The following CERT1 variants were observed in gnomAD, a reference collection of about 807,000 sequenced individuals.
CERT1 encodes the protein ceramide transfer protein.
CERT1 carries 31 observed loss-of-function variants against 87.9 expected under a neutral mutation model. That is an observed-to-expected ratio of 0.35 (90% CI 0.27 to 0.48). CERT1 has a LOEUF of 0.48. CERT1 is among the 20% of genes least tolerant of loss of function. The pLI is 0.99. For missense variants in CERT1, 487 were observed against 758.0 expected (o/e 0.64, Z 4.20); for synonymous variants, 289 against 250.9 (o/e 1.15, Z -1.44).
At chr5:75,509,023 G>T (rs1767789897) in intron 1 of CERT1, among the ~76,000 whole-genome samples, 1 of 151,730 alleles carries the variant, frequency 6.6e-6, no homozygotes. Context: ...TAGTATTTTT[G>T]GAATCTATAC....
chr5:75,457,592 T>C (rs544122294), intron 3 of CERT1, among the ~76,000 whole-genome samples: 24 of 152,064 alleles, frequency 1.6e-4, no homozygotes, highest in Non-Finnish European at 2.9e-4. Flanking sequence ...TTTAAATATA[T>C]AGTCCTAAAG....
intron 3 of CERT1, among the ~76,000 whole-genome samples, chr5:75,433,412 A>G (rs1258542112): frequency 6.6e-6 from 1 of 152,168 alleles, no homozygotes; most frequent in Non-Finnish European, 1.5e-5. Context: ...TTTAACACTT[A>G]CCTGGTTAGC....
At chr5:75,495,217 C>G (rs371266513) in intron 2 of CERT1, among the ~76,000 whole-genome samples, 3 of 152,042 alleles carry the variant, frequency 2.0e-5, no homozygotes, top group African/African-American at 7.2e-5. Context: ...AATTGGAAAC[C>G]AAGAGAATAG....
At chr5:75,447,533 C>T (rs1013301483) in intron 3 of CERT1, among the ~76,000 whole-genome samples, 8 of 151,482 alleles carry the variant, frequency 5.3e-5, no homozygotes, top group African/African-American at 1.5e-4. Context: ...TGCAGTGGCG[C>T]GATCTTGGCT....
Position 75,384,538 on chromosome 5 carries a change from T to A in CERT1, c.1488+104A>T, listed in dbSNP as rs527798737. The A allele has an allele frequency of 4.6e-5, 32 of 701,996 alleles. No homozygotes were observed. The South Asian group carries it at 5.5e-4, about 12-fold the overall frequency. The allele number at this position is 701,996 out of a possible 1,614,324, so 43.5% of individuals were successfully genotyped here. Reference sequence around the variant, plus strand: ...ATCATTATTTAATAAAGTCTTTGGATTTTTGTGGCTTTTAATAACCTCCCC... The same window carrying A: ...ATCATTATTTAATAAAGTCTTTGGAATTTTGTGGCTTTTAATAACCTCCCC... On this transcript the variant is annotated intron_variant, in intron 14 of 16. Transcript: ENST00000643780.
At chr5:75,472,124 C>G (rs999283025) in intron 2 of CERT1, among the ~76,000 whole-genome samples, 2 of 152,144 alleles carry the variant, frequency 1.3e-5, no homozygotes, top group Non-Finnish European at 2.9e-5. Flanking sequence ...TAAATCCATG[C>G]ATTTACAACC....
intron 1 of CERT1, among the ~76,000 whole-genome samples, chr5:75,507,530 T>C (rs1767709413): frequency 6.6e-6 from 1 of 152,172 alleles, no homozygotes; most frequent in South Asian, 2.1e-4. Flanking sequence ...GCTTGAGATG[T>C]ACCACCACTT....
At chr5:75,401,787 C>G (rs1443104285) in intron 9 of CERT1, 1 of 152,150 alleles carries the variant, frequency 6.6e-6, no homozygotes, top group Non-Finnish European at 1.5e-5. Context: ...CCAATAAGAG[C>G]ATAATAGCCA....
chr5:75,462,917 G>C (rs192062040), intron 2 of CERT1, among the ~76,000 whole-genome samples: 1 of 150,604 alleles, frequency 6.6e-6, no homozygotes, highest in Middle Eastern at 3.4e-3. Flanking sequence ...ACTTGAACCC[G>C]GGAGGTAGAA....
intron 11 of CERT1, among the ~76,000 whole-genome samples, chr5:75,390,957 C>T (rs751896443): frequency 6.6e-6 from 1 of 152,046 alleles, no homozygotes; most frequent in African/African-American, 2.4e-5. Flanking sequence ...GCCTGTGCCA[C>T]CATGCCTAAC....
intron 5 of CERT1, among the ~76,000 whole-genome samples, chr5:75,419,983 T>G (rs1456005049): frequency 6.6e-6 from 1 of 151,838 alleles, no homozygotes; most frequent in Non-Finnish European, 1.5e-5. Context: ...GTTGTTCTTT[T>G]TTTTTTTTTT....
chr5:75,407,912 A>G (rs549239818), intron 8 of CERT1, among the ~76,000 whole-genome samples: 1 of 149,700 alleles, frequency 6.7e-6, no homozygotes, highest in Non-Finnish European at 1.5e-5. Context: ...AAAAAAAAAA[A>G]CATAAAATTG....
At chr5:75,380,664 T>C (rs1761534501) in intron 16 of CERT1, among the ~76,000 whole-genome samples, 1 of 150,696 alleles carries the variant, frequency 6.6e-6, no homozygotes, top group South Asian at 2.1e-4. Flanking sequence ...TGTGGGCACC[T>C]GTAATCCCAG....
At chr5:75,379,776 GT>G (rs1323005728) in intron 16 of CERT1, among the ~76,000 whole-genome samples, 1 of 152,036 alleles carries the variant, frequency 6.6e-6, no homozygotes, top group Non-Finnish European at 1.5e-5. Flanking sequence ...GTAGAGATGG[GT>G]TTTCACCATG....
chr5:75,393,212 T>A (rs1414595141), intron 11 of CERT1, among the ~76,000 whole-genome samples: 3 of 151,994 alleles, frequency 2.0e-5, no homozygotes, highest in Non-Finnish European at 4.4e-5. Context: ...TTAGGCTAAG[T>A]GTAATTTCAG....
In CERT1 at chr5:75,385,971, C is replaced by T; in HGVS notation, c.1348G>A (p.Val450Ile). ...ACTTCATGTCCTGTGACGCCTTTAA[C>T]TGCATGGGTAGCTTTTAAAGGATCC... ...VLDPLKATHA[V>I]KGVTGHEVCN... The change falls in exon 13 of 17, where the codon GTT becomes ATT. Residue 450 changes from valine to isoleucine, a missense_variant. By Grantham distance (29) the Val-to-Ile change is conservative. Coordinates refer to ENST00000643780, the MANE Select transcript of CERT1 (RefSeq NM_001379029.1). 6.3e-7 allele frequency: 1 copy of T among 1,598,100 alleles called. No individual in the cohort carries two copies. Among genetic ancestry groups the T allele is most frequent in the Non-Finnish European group, 8.5e-7 (1 of 1,171,806 alleles).
chr5:75,484,718 CCA>C, intron 2 of CERT1, among the ~76,000 whole-genome samples: 1 of 151,276 alleles, frequency 6.6e-6, no homozygotes, highest in East Asian at 1.9e-4. Flanking sequence ...ACTAGACCAC[CCA>C]GATATATAAA....
chr5:75,390,708 C>A (rs1761994137), intron 11 of CERT1, among the ~76,000 whole-genome samples: 2 of 152,098 alleles, frequency 1.3e-5, no homozygotes, highest in African/African-American at 4.8e-5. Flanking sequence ...AAAATTTTAT[C>A]CTTAAGTTTA....
At chr5:75,511,753 C>A, upstream of CERT1, 3 of 1,551,134 alleles carry the variant, frequency 1.9e-6, no homozygotes, top group African/African-American at 1.4e-5. Context: ...TCCTCCCGAA[C>A]CCTACCTCCG....
Sources: allele counts gnomAD v4.1 joint callset (sites outside exome capture counted in the v4.1 genomes callset), GRCh38; gene constraint gnomAD v4.1.1; transcripts MANE v1.5; gene names NCBI Gene and HGNC (gene_info 2026-07-23, HGNC 2026-07-21).